EFCAB14: variants seen among roughly 807,000 people sequenced by gnomAD.
EFCAB14 encodes the protein EF-hand calcium binding domain 14.
A neutral mutation model predicts 56.5 loss-of-function variants in EFCAB14; 43 were observed. The ratio of observed to expected loss-of-function variants is 0.76; its 90% CI spans 0.60 to 0.98. The LOEUF (loss-of-function observed/expected upper bound fraction) is 0.98, where lower values mean the gene tolerates loss of function less well. Ranked by LOEUF, EFCAB14 falls within the 50% of genes least tolerant of loss-of-function variation. The probability of loss-of-function intolerance (pLI) is 0.00; values close to 1 mark genes in which losing one functional copy is unlikely to be tolerated. For synonymous variants in EFCAB14, 235 were observed against 212.9 expected (o/e 1.10, Z -0.90); for missense variants, 538 against 580.3 (o/e 0.93, Z 0.75).
At chr1:46,706,616 A>G (rs1464643118) in intron 3 of EFCAB14, among the ~76,000 whole-genome samples, 1 of 152,202 alleles carries the variant, frequency 6.6e-6, no homozygotes, top group Non-Finnish European at 1.5e-5. Context: ...CAGTGCTTCA[A>G]TGTGGTCTAC....
At chr1:46,696,987 A>G (rs1306145678) in intron 3 of EFCAB14, among the ~76,000 whole-genome samples, 1 of 152,212 alleles carries the variant, frequency 6.6e-6, no homozygotes, top group Non-Finnish European at 1.5e-5. Flanking sequence ...CAACAATTGG[A>G]CAGGAAGAAA....
At chr1:46,694,943 C>G (rs1677056652) in intron 4 of EFCAB14, among the ~76,000 whole-genome samples, 1 of 152,048 alleles carries the variant, frequency 6.6e-6, no homozygotes, top group African/African-American at 2.4e-5. Context: ...ATGGATGAAG[C>G]TGGAAACCAT....
At chr1:46,711,814 A>G (rs1677312101) in intron 2 of EFCAB14, among the ~76,000 whole-genome samples, 1 of 152,186 alleles carries the variant, frequency 6.6e-6, no homozygotes, top group African/African-American at 2.4e-5. Context: ...ATGTCTTTCC[A>G]GTTTGCAATA....
At chr1:46,700,986 A>AGTGAGAGTGT (rs145670885) in intron 3 of EFCAB14, among the ~76,000 whole-genome samples, 1 of 142,844 alleles carries the variant, frequency 7.0e-6, no homozygotes, top group Non-Finnish European at 1.5e-5. Context: ...AGAGTGAGTG[A>AGTGAGAGTGT]GTGTGTGTGT....
Position 46,686,829 on chromosome 1 carries a change from A to G in EFCAB14, c.1029T>C (p.Asp343=). 6.2e-7 allele frequency: 1 copy of G among 1,613,836 alleles called. No homozygotes were observed. The highest frequency in any genetic ancestry group is 8.5e-7 in the Non-Finnish European group (1 of 1,179,860). Residue 343 remains aspartate, a synonymous_variant, in exon 8 of 11, where the codon GAT becomes GAC. Coordinates refer to ENST00000371933, the MANE Select transcript of EFCAB14 (RefSeq NM_014774.3). ...RSATLKRQSL[D]QVTNRTDTVK... ...CTGTATCTGTTCTGTTGGTGACTTGATCCAAAGACTGTCTTTTCAGAGTGG... is the reference window on the plus strand; with the variant it reads ...CTGTATCTGTTCTGTTGGTGACTTGGTCCAAAGACTGTCTTTTCAGAGTGG...
chr1:46,710,220 G>C (rs1006777470), intron 2 of EFCAB14, among the ~76,000 whole-genome samples: 1 of 152,060 alleles, frequency 6.6e-6, no homozygotes, highest in African/African-American at 2.4e-5. Context: ...AAAAAAAATT[G>C]ATATATGGTA....
intron 10 of EFCAB14, among the ~76,000 whole-genome samples, chr1:46,681,328 A>G (rs1676791431): frequency 6.6e-6 from 1 of 152,212 alleles, no homozygotes; most frequent in South Asian, 2.1e-4. Context: ...TCTAATACCA[A>G]AGAAGGTCAA....
intron 4 of EFCAB14, among the ~76,000 whole-genome samples, chr1:46,694,932 C>T (rs1397485697): frequency 6.6e-6 from 1 of 152,092 alleles, no homozygotes; most frequent in Non-Finnish European, 1.5e-5. Flanking sequence ...TTTGTAGGGA[C>T]ATGGATGAAG....
At chr1:46,679,115 AAC>A (rs1350905978) in intron 10 of EFCAB14, among the ~76,000 whole-genome samples, 1 of 152,232 alleles carries the variant, frequency 6.6e-6, no homozygotes, top group Non-Finnish European at 1.5e-5. Context: ...TAGCTCATAA[AAC>A]AGACTGTGGC....
chr1:46,705,463 C>T (rs1677220389), intron 3 of EFCAB14, among the ~76,000 whole-genome samples: 1 of 152,208 alleles, frequency 6.6e-6, no homozygotes, highest in Non-Finnish European at 1.5e-5. Context: ...AAATCTGACT[C>T]CTGGCTGGGG....
At chr1:46,694,500 A>G (rs1677048187) in intron 4 of EFCAB14, among the ~76,000 whole-genome samples, 1 of 152,248 alleles carries the variant, frequency 6.6e-6, no homozygotes, top group Non-Finnish European at 1.5e-5. Context: ...ACTGGCCATC[A>G]CAGAAATGCA....
intron 2 of EFCAB14, among the ~76,000 whole-genome samples, chr1:46,714,607 CAT>C (rs905731721): frequency 2.0e-5 from 3 of 151,886 alleles, no homozygotes; most frequent in Non-Finnish European, 4.4e-5. Context: ...GTCTGGGCAA[CAT>C]AGCAAAACCC....
At chr1:46,687,170 A>G (rs1013707713) in intron 7 of EFCAB14, among the ~76,000 whole-genome samples, 11 of 152,224 alleles carry the variant, frequency 7.2e-5, no homozygotes, top group African/African-American at 2.4e-4. Flanking sequence ...AAGAAACAGT[A>G]GGACAGATGG....
chr1:46,705,984 A>G (rs546081308), intron 3 of EFCAB14, among the ~76,000 whole-genome samples: 2 of 151,186 alleles, frequency 1.3e-5, no homozygotes, highest in South Asian at 4.2e-4. Flanking sequence ...CCTGCTGCAG[A>G]CTCCTCAGTT....
At chr1:46,714,564 G>C (rs776384872) in intron 2 of EFCAB14, among the ~76,000 whole-genome samples, 1 of 152,132 alleles carries the variant, frequency 6.6e-6, no homozygotes, top group African/African-American at 2.4e-5. Context: ...GGCTGAGGCA[G>C]GCAGATCACT....
chr1:46,688,668 C>G, intron 6 of EFCAB14, 124 bp from the exon 7 acceptor site: 1 of 824,206 alleles, frequency 1.2e-6, no homozygotes, highest in Non-Finnish European at 1.9e-6. Flanking sequence ...CTGGTTTTGA[C>G]CATCAATCGT....
rs1394185122 is a variant in EFCAB14, at chr1:46,676,720, A to G, written c.*1741T>C. The stretch of plus-strand genomic sequence containing the variant: ...CTAAAGTGCCAGGCTAATTTGTTTT[A>G]ACCTTTCCAAGAAAGTGAAACTGAG... On this transcript the variant is annotated 3_prime_UTR_variant, in exon 11 of 11. Coordinates refer to ENST00000371933, the MANE Select transcript of EFCAB14 (RefSeq NM_014774.3). The G allele has an allele frequency of 6.6e-6, 1 of 152,622 alleles. No individual in the cohort carries two copies. Among genetic ancestry groups the G allele is most frequent in the Non-Finnish European group, 1.5e-5 (1 of 68,026 alleles). The allele number at this position is 152,622 out of a possible 1,614,324, so 9.5% of individuals were successfully genotyped here. A position where few individuals can be genotyped will look rare whatever the true frequency, so the allele number is the denominator to read the frequency against.
chr1:46,716,663 G>A (rs987936958), intron 1 of EFCAB14, among the ~76,000 whole-genome samples: 2 of 152,152 alleles, frequency 1.3e-5, no homozygotes, highest in Non-Finnish European at 2.9e-5. Context: ...TAAAACAGAA[G>A]GAGTTCCTGC....
intron 7 of EFCAB14, 164 bp from the exon 8 acceptor site, chr1:46,687,034 A>C (rs922912383): frequency 3.2e-4 from 202 of 634,534 alleles, no homozygotes; most frequent in African/African-American, 1.3e-4. Flanking sequence ...GGAGAGAGGG[A>C]GAAAGGCCAG....
Sources: gnomAD v4.1 joint callset for allele counts (sites outside exome capture counted in the v4.1 genomes callset) on GRCh38, gnomAD v4.1.1 for gene constraint, MANE v1.5 for transcripts, NCBI Gene and HGNC (gene_info 2026-07-23, HGNC 2026-07-21) for gene names.